The following CBFA2T3 variants were observed in gnomAD, a reference collection of about 807,000 sequenced individuals.
CBFA2T3 encodes CBFA2/RUNX1 partner transcriptional co-repressor 3.
A neutral mutation model predicts 58.6 loss-of-function variants in CBFA2T3; 31 were observed. That is an observed-to-expected ratio of 0.53 (90% CI 0.40 to 0.71). The LOEUF (loss-of-function observed/expected upper bound fraction) is 0.71, where lower values mean the gene tolerates loss of function less well. Ranked by LOEUF, CBFA2T3 falls within the 30% of genes least tolerant of loss-of-function variation. The pLI, the probability that CBFA2T3 is intolerant of heterozygous loss-of-function variation, is 0.00. For synonymous variants in CBFA2T3, 531 were observed against 421.9 expected (o/e 1.26, Z -3.17); for missense variants, 1,076 against 963.1 (o/e 1.12, Z -1.55).
intron 1 of CBFA2T3, among the ~76,000 whole-genome samples, chr16:88,921,091 T>G (rs1056393572): frequency 2.4e-4 from 36 of 152,358 alleles, no homozygotes; most frequent in African/African-American, 8.2e-4. Context: ...AGGCAAGGCC[T>G]GCCCGGCTCT....
chr16:88,968,365 G>A (rs1972566046), intron 1 of CBFA2T3, among the ~76,000 whole-genome samples: 2 of 152,238 alleles, frequency 1.3e-5, no homozygotes, highest in Non-Finnish European at 2.9e-5. Context: ...CCCCCCAGGT[G>A]GGGACGGCCC....
chr16:88,877,025 C>A lies in CBFA2T3; in HGVS notation c.1913G>T (p.Arg638Leu). 6.7e-7 allele frequency: 1 copy of A among 1,488,094 alleles called. No individual in the cohort carries two copies. Among genetic ancestry groups the A allele is most frequent in the Non-Finnish European group, 8.9e-7 (1 of 1,122,884 alleles). 92.2% of individuals were successfully genotyped at this position (1,488,094 alleles called of 1,614,324 possible). Reference protein sequence around the residue: ...PSEAGSAGPSRPGSPSPPGPL... With the variant: ...PSEAGSAGPSLPGSPSPPGPL... ...GCCAGGTGGGCTGGGGGAGCCGGGG[C>A]GAGAAGGCCCCGCAGAGCCGGCTTC... is the stretch of plus-strand genomic sequence containing the variant. Residue 638 changes from arginine (R) to leucine (L), a missense_variant, in exon 12 of 12, where the codon CGC becomes CTC. Coordinates refer to ENST00000268679, the MANE Select transcript of CBFA2T3 (RefSeq NM_005187.6).
chr16:88,944,336 CAAAAA>C (rs767482759), intron 1 of CBFA2T3, among the ~76,000 whole-genome samples: 2 of 42,318 alleles, frequency 4.7e-5, no homozygotes, highest in African/African-American at 8.9e-5. Context: ...GACTCCATCT[CAAAAA>C]AAAAAAAAAA....
At chr16:88,966,581 G>A (rs1298742630) in intron 1 of CBFA2T3, among the ~76,000 whole-genome samples, 1 of 152,192 alleles carries the variant, frequency 6.6e-6, no homozygotes, top group African/African-American at 2.4e-5. Context: ...GCCAGGCCCT[G>A]CCCAGCGCCC....
At chr16:88,910,382 C>A (rs1425198582) in intron 1 of CBFA2T3, among the ~76,000 whole-genome samples, 1 of 152,192 alleles carries the variant, frequency 6.6e-6, no homozygotes, top group Non-Finnish European at 1.5e-5. Flanking sequence ...TGTGGATGCT[C>A]CCCGTGAGCT....
intron 10 of CBFA2T3, chr16:88,879,970 C>T (rs1371732521): frequency 1.5e-4 from 24 of 162,730 alleles, no homozygotes; most frequent in East Asian, 3.5e-4. Flanking sequence ...GAAGCCCCCT[C>T]GTCCAGGGCT....
At chr16:88,891,757 C>T (rs1216148797) in intron 5 of CBFA2T3, 125 bp downstream of exon 5, 9 of 675,306 alleles carry the variant, frequency 1.3e-5, no homozygotes, top group Non-Finnish European at 2.4e-5. Context: ...ACCTCTTCAT[C>T]CACCTGCCTA....
In CBFA2T3 at chr16:88,891,959, T is replaced by C; in HGVS notation, c.634A>G (p.Thr212Ala). The C allele has an allele frequency of 6.2e-7, 1 of 1,612,878 alleles. No individual in the cohort carries two copies. Among genetic ancestry groups the C allele is most frequent in the Non-Finnish European group, 8.5e-7 (1 of 1,179,552 alleles). The change falls in exon 5 of 12, where the codon ACG becomes GCG. Residue 212 changes from threonine (T) to alanine (A), a missense_variant. By Grantham distance (58) the Thr-to-Ala change is moderately conservative. Transcript: ENST00000268679. ...LVLGLVNSTLTIEEFHSKLQE... is the reference protein window; with the variant it reads ...LVLGLVNSTLAIEEFHSKLQE... The stretch of plus-strand genomic sequence containing the variant: ...AGCTTGGAATGAAACTCCTCGATCG[T>C]CAATGTCGAGTTCTGCAGGGGAGAA...
chr16:88,958,736 C>G lies in CBFA2T3; in HGVS notation c.151+17921G>C, dbSNP rs748780630. On this transcript the variant is annotated intron_variant, in intron 1 of 11. Coordinates refer to ENST00000268679, the MANE Select transcript of CBFA2T3 (RefSeq NM_005187.6). The surrounding 1 kb of genome is among the most constrained non-coding windows in gnomAD (Gnocchi z 4.0). ...GCCTTTGGAAGGAGATGAACTTGCT[C>G]TCCCAGGGCTGGGGCCTCAGGGCCT... 2.6e-5 allele frequency among the ~76,000 whole-genome samples: 4 copies of G among 152,044 alleles called. No individual in the cohort carries two copies. The highest frequency in any genetic ancestry group is 4.4e-5 in the Non-Finnish European group (3 of 67,970).
rs991015891 is a variant in CBFA2T3 at position 88,905,627 on chromosome 16, G to A, written c.152-3971C>T. 4.0e-5 allele frequency among the ~76,000 whole-genome samples: 6 copies of A among 150,722 alleles called. No homozygotes were observed. In the East Asian group the frequency reaches 1.2e-3, roughly 30 times the overall value. On this transcript the variant is annotated intron_variant, in intron 1 of 11. Transcript: ENST00000268679. The stretch of plus-strand genomic sequence containing the variant: ...GCTGGAGGAGAGCAAAGATGGAAGT[G>A]GGGTGAGTGGAGCGCCATGATCAGG...
At chr16:88,913,344 C>T (rs1970589510) in intron 1 of CBFA2T3, among the ~76,000 whole-genome samples, 1 of 152,248 alleles carries the variant, frequency 6.6e-6, no homozygotes, top group Non-Finnish European at 1.5e-5. Flanking sequence ...AAGAACCACC[C>T]CCCTGAGCTT....
At chr16:88,962,590 C>T (rs770684413) in intron 1 of CBFA2T3, among the ~76,000 whole-genome samples, 7 of 152,182 alleles carry the variant, frequency 4.6e-5, no homozygotes, top group Non-Finnish European at 1.0e-4. Flanking sequence ...GGCCAGATCA[C>T]CAAAGGGCAC....
chr16:88,916,310 G>A (rs902466083), intron 1 of CBFA2T3, among the ~76,000 whole-genome samples: 7 of 139,586 alleles, frequency 5.0e-5, no homozygotes, highest in African/African-American at 1.3e-4. Flanking sequence ...GGGTGTATGC[G>A]TGTGTATTCA....
intron 1 of CBFA2T3, among the ~76,000 whole-genome samples, chr16:88,966,517 A>G (rs929777143): frequency 6.6e-6 from 1 of 152,156 alleles, no homozygotes; most frequent in Non-Finnish European, 1.5e-5. Flanking sequence ...ACCAGGCCCA[A>G]TCAACCTCTG....
At chr16:88,945,659 C>T (rs891113861) in intron 1 of CBFA2T3, among the ~76,000 whole-genome samples, 7 of 152,296 alleles carry the variant, frequency 4.6e-5, no homozygotes, top group South Asian at 2.1e-4. Context: ...ACTCAACACA[C>T]GGACAACCCC....
At chr16:88,934,833 G>A (rs868854306) in intron 1 of CBFA2T3, among the ~76,000 whole-genome samples, 2 of 152,292 alleles carry the variant, frequency 1.3e-5, no homozygotes, top group Middle Eastern at 3.4e-3. Context: ...TCTGCCTCCC[G>A]GGTTCACGCT....
intron 5 of CBFA2T3, among the ~76,000 whole-genome samples, chr16:88,890,780 G>C (rs557308546): frequency 6.6e-6 from 1 of 152,152 alleles, no homozygotes; most frequent in East Asian, 1.9e-4. Flanking sequence ...GCAGTGGCGT[G>C]ATCACAGCTC....
At position 88,895,132 on chromosome 16, in the gene CBFA2T3, C is replaced by T. The variant is rs477085; in HGVS notation, c.380-2647G>A. ...TGCGTCCCCACAGCTGGGGCTCCGG[C>T]TAGGCCAGGCCTCCCTTTCTACCCG... is the stretch of plus-strand genomic sequence containing the variant. On this transcript the variant is annotated intron_variant, in intron 3 of 11. Coordinates refer to ENST00000268679, the MANE Select transcript of CBFA2T3 (RefSeq NM_005187.6). Among the ~76,000 whole-genome samples the T allele has an allele frequency of 3.5e-3, 536 of 152,340 alleles. 5 individuals carry two copies. Among genetic ancestry groups the T allele is most frequent in the African/African-American group, 0.012 (500 of 41,574 alleles).
chr16:88,930,896 C>G lies in CBFA2T3; in HGVS notation c.152-29240G>C, dbSNP rs112883324. 2.0e-3 allele frequency among the ~76,000 whole-genome samples: 282 copies of G among 140,716 alleles called. 24 individuals carry two copies. Among genetic ancestry groups the G allele is most frequent in the African/African-American group, 8.7e-3 (275 of 31,540 alleles). 92.3% of individuals were successfully genotyped at this position (140,716 alleles called of 152,430 possible). Reference sequence around the variant, plus strand: ...GGCAGTGGGAGTGGGGTTTCCTTTCCGGGTGATGAGCACGTGTGGGAGCGA... The same window carrying G: ...GGCAGTGGGAGTGGGGTTTCCTTTCGGGGTGATGAGCACGTGTGGGAGCGA... On this transcript the variant is annotated intron_variant, in intron 1 of 11. Transcript: ENST00000268679.
Sources: allele counts gnomAD v4.1 joint callset (sites outside exome capture counted in the v4.1 genomes callset), GRCh38; gene constraint gnomAD v4.1.1; non-coding constraint Gnocchi (gnomAD v3.1); transcripts MANE v1.5; gene names NCBI Gene and HGNC (gene_info 2026-07-23, HGNC 2026-07-21).